MPZL1: variants seen among roughly 807,000 people sequenced by gnomAD.
MPZL1 encodes the protein myelin protein zero like 1.
Under a neutral mutation model 29.3 loss-of-function variants are expected in MPZL1, and 16 were observed. That is an observed-to-expected ratio of 0.55 (90% confidence interval 0.37 to 0.83). The LOEUF (loss-of-function observed/expected upper bound fraction) is 0.83, where lower values mean the gene tolerates loss of function less well. Ranked by LOEUF, MPZL1 falls within the 40% of genes least tolerant of loss-of-function variation. The pLI is 0.00. For synonymous variants in MPZL1, 143 were observed against 132.0 expected (o/e 1.08, Z -0.57); for missense variants, 279 against 332.9 (o/e 0.84, Z 1.26).
At chr1:167,738,674 T>C (rs1660432621) in intron 1 of MPZL1, among the ~76,000 whole-genome samples, 1 of 151,262 alleles carries the variant, frequency 6.6e-6, no homozygotes, top group African/African-American at 2.5e-5. Context: ...GAGTGAGTTA[T>C]TGCGAGATCT....
chr1:167,785,337 CT>C (rs1397242967), intron 5 of MPZL1, among the ~76,000 whole-genome samples: 1 of 152,212 alleles, frequency 6.6e-6, no homozygotes, highest in Non-Finnish European at 1.5e-5. Context: ...AGCCATCAGG[CT>C]GACTTTGGCT....
In MPZL1 at chr1:167,722,166, C is replaced by T; in HGVS notation, c.15C>T (p.Ala5=). The T allele has an allele frequency of 1.6e-6, 2 of 1,236,264 alleles. No homozygotes were observed. The highest frequency in any genetic ancestry group is 2.0e-6 in the Non-Finnish European group (2 of 988,308). The allele number at this position is 1,236,264 out of a possible 1,614,324, so 76.6% of individuals were successfully genotyped here. A position where few individuals can be genotyped will look rare whatever the true frequency, so the allele number is the denominator to read the frequency against. Reference sequence around the variant, plus strand: ...GTGGCTGGACGATGGCAGCGTCCGCCGGAGCCGGGGCGGTGATTGCAGCCC... The same window carrying T: ...GTGGCTGGACGATGGCAGCGTCCGCTGGAGCCGGGGCGGTGATTGCAGCCC... MAAS[A]GAGAVIAAPD... Residue 5 remains alanine, a synonymous_variant, in exon 1 of 6, where the codon GCC becomes GCT. Coordinates refer to ENST00000359523, the MANE Select transcript of MPZL1 (RefSeq NM_003953.6).
intron 1 of MPZL1, among the ~76,000 whole-genome samples, chr1:167,749,067 C>T (rs898721024): frequency 5.9e-5 from 9 of 152,128 alleles, no homozygotes; most frequent in Non-Finnish European, 1.2e-4. Flanking sequence ...TTTGGTTGTT[C>T]CAGGCAACTC....
In MPZL1 at chr1:167,789,770, C is replaced by T. The variant is rs1052518855; in HGVS notation, c.*1849C>T. 2 of 152,334 alleles carry T rather than the reference C, an allele frequency of 1.3e-5. No individual in the cohort carries two copies. The highest frequency in any genetic ancestry group is 2.9e-5 in the Non-Finnish European group (2 of 68,142). 9.4% of individuals were successfully genotyped at this position (152,334 alleles called of 1,614,324 possible). A position where few individuals can be genotyped will look rare whatever the true frequency, so the allele number is the denominator to read the frequency against. On this transcript the variant is annotated 3_prime_UTR_variant, in exon 6 of 6. Coordinates refer to ENST00000359523, the MANE Select transcript of MPZL1 (RefSeq NM_003953.6). ...AATGGAGAAAAAAACGCCTGCCCTG[C>T]TGCCTTCCATGTTCATAGGCCCAGC...
intron 1 of MPZL1, among the ~76,000 whole-genome samples, chr1:167,740,640 G>A (rs1660496393): frequency 1.3e-5 from 2 of 152,016 alleles, no homozygotes; most frequent in African/African-American, 4.8e-5. Context: ...CTATGTAATA[G>A]CATCTTCTCC....
chr1:167,751,145 C>G (rs1054924661), intron 1 of MPZL1, among the ~76,000 whole-genome samples: 1 of 152,122 alleles, frequency 6.6e-6, no homozygotes, highest in African/African-American at 2.4e-5. Flanking sequence ...CTATTTTTTT[C>G]CCCTTTGTAA....
Position 167,722,390 on chromosome 1 carries a change from C to T in MPZL1, c.91+148C>T, listed in dbSNP as rs1023568536. 3.3e-6 allele frequency: 4 copies of T among 1,210,332 alleles called. No individual in the cohort carries two copies. The African/African-American group carries it at 4.7e-5, about 14-fold the overall frequency. The allele number at this position is 1,210,332 out of a possible 1,614,324, so 75.0% of individuals were successfully genotyped here. On this transcript the variant is annotated intron_variant, in intron 1 of 5. Coordinates refer to ENST00000359523, the MANE Select transcript of MPZL1 (RefSeq NM_003953.6). Reference sequence around the variant, plus strand: ...CCTGCGCTCTCTGGGGCCGAGGGGACCCAGCCCATGGGGAACGCGGGCCTC... The same window carrying T: ...CCTGCGCTCTCTGGGGCCGAGGGGATCCAGCCCATGGGGAACGCGGGCCTC...
intron 5 of MPZL1, among the ~76,000 whole-genome samples, chr1:167,785,624 C>G (rs1661575857): frequency 1.3e-5 from 2 of 152,184 alleles, no homozygotes; most frequent in Non-Finnish European, 2.9e-5. Context: ...TTGTAAACCC[C>G]TTCTCCCATG....
intron 1 of MPZL1, among the ~76,000 whole-genome samples, chr1:167,762,053 A>T (rs917817960): frequency 2.6e-5 from 4 of 152,158 alleles, no homozygotes; most frequent in Non-Finnish European, 5.9e-5. Flanking sequence ...TGAAACTACG[A>T]TTCTGGAGTG....
rs143448673 is a variant in MPZL1 at position 167,765,704 on chromosome 1, A to C, written c.213A>C (p.Ser71=). Residue 71 remains serine (S), a synonymous_variant, in exon 2 of 6, where the codon TCA becomes TCC. Coordinates refer to ENST00000359523, the MANE Select transcript of MPZL1 (RefSeq NM_003953.6). ...KSTSTTGGLT[S]VSWSFQPEGA... ...CTAGTACGACTGGCGGGTTGACCTC[A>C]GTCTCCTGGAGCTTCCAGCCAGAGG... 6.2e-7 allele frequency: 1 copy of C among 1,612,340 alleles called. No homozygotes were observed. The highest frequency in any genetic ancestry group is 1.3e-5 in the African/African-American group (1 of 74,974).
chr1:167,724,386 G>A (rs1389630398), intron 1 of MPZL1, among the ~76,000 whole-genome samples: 1 of 152,244 alleles, frequency 6.6e-6, no homozygotes, highest in African/African-American at 2.4e-5. Flanking sequence ...CTATTGAGAT[G>A]TGAAGGATGG....
chr1:167,727,837 C>T (rs916102809), intron 1 of MPZL1, among the ~76,000 whole-genome samples: 8 of 151,672 alleles, frequency 5.3e-5, no homozygotes, highest in Admixed American at 3.3e-4. Flanking sequence ...CCTTTAAACC[C>T]CTTTGTTTAT....
intron 5 of MPZL1, among the ~76,000 whole-genome samples, chr1:167,782,660 CG>C: frequency 6.6e-6 from 1 of 152,196 alleles, no homozygotes; most frequent in Non-Finnish European, 1.5e-5. Context: ...TGTTACCTTA[CG>C]TATCAAAAAG....
At chr1:167,740,229 A>T (rs996954806) in intron 1 of MPZL1, among the ~76,000 whole-genome samples, 1 of 152,214 alleles carries the variant, frequency 6.6e-6, no homozygotes, top group African/African-American at 2.4e-5. Flanking sequence ...TTGGTTCTAT[A>T]GTCCTCTTTA....
intron 1 of MPZL1, among the ~76,000 whole-genome samples, chr1:167,732,629 T>C (rs894044823): frequency 6.6e-6 from 1 of 152,132 alleles, no homozygotes; most frequent in Non-Finnish European, 1.5e-5. Flanking sequence ...TTTTTAGTTC[T>C]TTTTTTGAGA....
At position 167,744,130 on chromosome 1, in the gene MPZL1, A is replaced by G. The variant is rs932500919; in HGVS notation, c.92-21453A>G. ...AAATATTAACTCATTTCATTCTTGT[A>G]ATAACTCTTTGAAGTCGGTACTATT... On this transcript the variant is annotated intron_variant, in intron 1 of 5. Coordinates refer to ENST00000359523, the MANE Select transcript of MPZL1 (RefSeq NM_003953.6). 3.3e-5 allele frequency among the ~76,000 whole-genome samples: 5 copies of G among 152,212 alleles called. No individual in the cohort carries two copies. In the East Asian group the frequency reaches 7.7e-4, roughly 23 times the overall value.
chr1:167,765,830 A>G, intron 2 of MPZL1, 81 bp downstream of exon 2: 3 of 1,315,048 alleles, frequency 2.3e-6, no homozygotes, highest in East Asian at 2.5e-5. Flanking sequence ...CATTTTTCTG[A>G]TGGTTCATTT....
chr1:167,787,825 A>C lies in MPZL1; in HGVS notation c.714A>C (p.Pro238=). Residue 238 remains proline, a synonymous_variant, in exon 6 of 6, where the codon CCA becomes CCC. Transcript: ENST00000359523. ...CTTCTGCTTCCCTTTTCCAGGGCCCAGTCATATATGCACAGTTAGACCACT... is the reference window on the plus strand; with the variant it reads ...CTTCTGCTTCCCTTTTCCAGGGCCCCGTCATATATGCACAGTTAGACCACT... ...KSLPSGSHQG[P]VIYAQLDHSG... The C allele has an allele frequency of 6.2e-7, 1 of 1,611,972 alleles. No homozygotes were observed. Among genetic ancestry groups the C allele is most frequent in the Non-Finnish European group, 8.5e-7 (1 of 1,178,056 alleles).
intron 2 of MPZL1, chr1:167,765,958 C>A: frequency 2.7e-6 from 1 of 364,092 alleles, no homozygotes; most frequent in Non-Finnish European, 4.9e-6. Context: ...ATCAGTTCCT[C>A]TCCACCATCA....
Sources: allele counts gnomAD v4.1 joint callset (sites outside exome capture counted in the v4.1 genomes callset), GRCh38; gene constraint gnomAD v4.1.1; transcripts MANE v1.5; gene names NCBI Gene and HGNC (gene_info 2026-07-23, HGNC 2026-07-21).